Variants in SACS observed in about 807,000 individuals in gnomAD.
SACS encodes the protein sacsin.
SACS carries 197 observed loss-of-function variants against 348.0 expected under a neutral mutation model. The ratio of observed to expected loss-of-function variants is 0.57; its 90% confidence interval spans 0.50 to 0.64. The LOEUF is 0.64. Among genes scored for constraint, SACS ranks in the 30% least tolerant of loss-of-function variants. SACS has a pLI of 0.00. For synonymous variants in SACS, 1,985 were observed against 1,910.6 expected (o/e 1.04, Z -1.02); for missense variants, 4,999 against 5,360.8 (o/e 0.93, Z 2.11).
intron 7 of SACS, among the ~76,000 whole-genome samples, chr13:23,356,900 A>G (rs1223594142): frequency 6.6e-6 from 1 of 152,222 alleles, no homozygotes; most frequent in Non-Finnish European, 1.5e-5. Context: ...ATTTTAAGTT[A>G]GCAAATGTTA....
At chr13:23,427,033 C>CG (rs914651190) in intron 1 of SACS, 5 of 152,284 alleles carry the variant, frequency 3.3e-5, no homozygotes, top group African/African-American at 9.6e-5. Context: ...GAACATTCTT[C>CG]GGTCTTCTCC....
chr13:23,339,001 A>G lies in SACS; in HGVS notation c.4875T>C (p.Phe1625=), dbSNP rs753112256. 1 of 1,613,896 alleles carries G rather than the reference A, an allele frequency of 6.2e-7. No individual in the cohort carries two copies. Among genetic ancestry groups the G allele is most frequent in the East Asian group, 2.2e-5 (1 of 44,868 alleles). ...PNQFKPFIDV[F]GCQLPLTVEA... ...CTACAGTCAAAGGTAACTGACAGCC[A>G]AATACATCTATAAATGGTTTGAACT... is the stretch of plus-strand genomic sequence containing the variant. The change falls in exon 10 of 10, where the codon TTT becomes TTC. Residue 1625 remains phenylalanine, a synonymous_variant. Transcript: ENST00000382292.
At position 23,331,679 on chromosome 13, in the gene SACS, G is replaced by C; in HGVS notation, c.12197C>G (p.Pro4066Arg). Residue 4066 changes from proline (P) to arginine (R), a missense_variant, in exon 10 of 10, where the codon CCC becomes CGC. Around this residue, in one of 6 missense-constraint regions of SACS, gnomAD observed 831 missense variants for 941.8 expected, o/e 0.88. Transcript: ENST00000382292. The stretch of plus-strand genomic sequence containing the variant: ...AGCAAAAGTTTCACTTCTGCTGTGG[G>C]GAATAGGATTAAAACCTTTAACTCT... ...TLRVKGFNPI[P>R]HSRSETFAFL... The C allele has an allele frequency of 1.2e-6, 2 of 1,613,868 alleles. No homozygotes were observed.
intron 2 of SACS, among the ~76,000 whole-genome samples, chr13:23,382,479 ATGCATTG>A (rs1872098141): frequency 1.3e-5 from 2 of 152,208 alleles, no homozygotes; most frequent in Admixed American, 6.5e-5. Context: ...CTTGATAGAG[ATGCATTG>A]GATATATTAA....
chr13:23,340,166 G>A lies in SACS; in HGVS notation c.3710C>T (p.Ser1237Leu). 1 of 1,613,122 alleles carries A rather than the reference G, an allele frequency of 6.2e-7. No individual in the cohort carries two copies. ...HFKIVVDWYS[S>L]KTFSDEDYYQ... The stretch of plus-strand genomic sequence containing the variant: ...GTAGTCTTCATCACTAAAGGTTTTT[G>A]AAGAATACCAATCAACAACAATTTT... The change falls in exon 10 of 10, where the codon TCA (serine) becomes TTA (leucine). Residue 1237 changes from serine to leucine, a missense_variant. This residue lies in a region of SACS where 3,156 missense variants were observed against 3,380.1 expected (regional missense o/e 0.93). Transcript: ENST00000382292.
intron 5 of SACS, among the ~76,000 whole-genome samples, chr13:23,365,677 C>T (rs1871021678): frequency 6.6e-6 from 1 of 152,070 alleles, no homozygotes; most frequent in Non-Finnish European, 1.5e-5. Context: ...AAAAATAGAC[C>T]TTTTTTATCC....
chr13:23,385,372 T>G (rs1237334353), intron 2 of SACS, among the ~76,000 whole-genome samples: 6 of 151,878 alleles, frequency 4.0e-5, no homozygotes, highest in Non-Finnish European at 8.8e-5. Context: ...TTTTTTTTTT[T>G]TTTTGAGATA....
At chr13:23,390,367 T>C (rs1704848596) in intron 2 of SACS, among the ~76,000 whole-genome samples, 1 of 152,184 alleles carries the variant, frequency 6.6e-6, no homozygotes, top group Non-Finnish European at 1.5e-5. Context: ...AATGAGATCA[T>C]TTAAAATCCT....
At chr13:23,397,750 A>C (rs1872762865) in intron 2 of SACS, among the ~76,000 whole-genome samples, 1 of 152,236 alleles carries the variant, frequency 6.6e-6, no homozygotes, top group South Asian at 2.1e-4. Flanking sequence ...CAAACTCTGT[A>C]AAATATTTGA....
At position 23,332,799 on chromosome 13, in the gene SACS, G is replaced by C; in HGVS notation, c.11077C>G (p.Gln3693Glu). ...NGAQVNPKFKQCDVLQLLWTS... is the reference protein window; with the variant it reads ...NGAQVNPKFKECDVLQLLWTS... Reference sequence around the variant, plus strand: ...CATAACAGCTGGAGTACATCACATTGCTTGAATTTTGGATTTACCTGTGCT... The same window carrying C: ...CATAACAGCTGGAGTACATCACATTCCTTGAATTTTGGATTTACCTGTGCT... The change falls in exon 10 of 10, where the codon CAA becomes GAA. Residue 3693 changes from glutamine (Q) to glutamate (E), a missense_variant. This residue lies in a region of SACS where 831 missense variants were observed against 941.8 expected (regional missense o/e 0.88). Transcript: ENST00000382292. 6.2e-7 allele frequency: 1 copy of C among 1,613,860 alleles called. No individual in the cohort carries two copies. Among genetic ancestry groups the C allele is most frequent in the African/African-American group, 1.3e-5 (1 of 75,034 alleles).
chr13:23,387,323 A>T (rs778804990), intron 2 of SACS, among the ~76,000 whole-genome samples: 2 of 152,122 alleles, frequency 1.3e-5, no homozygotes, highest in Non-Finnish European at 2.9e-5. Context: ...TTAGCCGGGC[A>T]TGGCGGCGGG....
chr13:23,360,194 A>G (rs1157035255), intron 6 of SACS, among the ~76,000 whole-genome samples: 2 of 152,210 alleles, frequency 1.3e-5, no homozygotes, highest in African/African-American at 2.4e-5. Context: ...CCCTAAAAAC[A>G]TCAGCTATCA....
intron 2 of SACS, among the ~76,000 whole-genome samples, chr13:23,389,906 G>A (rs1872462362): frequency 6.6e-6 from 1 of 152,094 alleles, no homozygotes; most frequent in Non-Finnish European, 1.5e-5. Context: ...CAAGTTATTT[G>A]GCTGCATCTA....
intron 1 of SACS, among the ~76,000 whole-genome samples, chr13:23,421,411 G>A (rs1206655465): frequency 6.6e-6 from 1 of 152,034 alleles, no homozygotes; most frequent in Non-Finnish European, 1.5e-5. Flanking sequence ...TTCAGCTGGG[G>A]ACTGGGTATC....
At chr13:23,384,904 A>G (rs1872211094) in intron 2 of SACS, among the ~76,000 whole-genome samples, 1 of 152,222 alleles carries the variant, frequency 6.6e-6, no homozygotes, top group East Asian at 1.9e-4. Flanking sequence ...CGGTGCAGAT[A>G]AAAGTTATGT....
Position 23,335,360 on chromosome 13 carries a change from G to C in SACS, c.8516C>G (p.Ala2839Gly). 1 of 1,613,882 alleles carries C rather than the reference G, an allele frequency of 6.2e-7. No individual in the cohort carries two copies. Among genetic ancestry groups the C allele is most frequent in the Non-Finnish European group, 8.5e-7 (1 of 1,179,858 alleles). ...MEKVSKSVIS[A>G]HKNQDITLFP... ...AAGAGTAATATCTTGGTTCTTGTGA[G>C]CTGATATGACACTTTTAGATACTTT... Residue 2839 changes from alanine (A) to glycine (G), a missense_variant, in exon 10 of 10, where the codon GCT (alanine) becomes GGT (glycine). Physicochemically the swap from Ala to Gly is moderately conservative, Grantham distance 60. This residue lies in a region of SACS where 3,156 missense variants were observed against 3,380.1 expected (regional missense o/e 0.93). Coordinates refer to ENST00000382292, the MANE Select transcript of SACS (RefSeq NM_014363.6). The surrounding 1 kb of genome is among the most constrained non-coding windows in gnomAD (Gnocchi z 4.7).
rs369755884 is a variant in SACS at position 23,337,487 on chromosome 13, C to G, written c.6389G>C (p.Arg2130Thr). The G allele has an allele frequency of 8.1e-6, 13 of 1,613,630 alleles. No homozygotes were observed. The African/African-American group carries it at 9.4e-5, about 12-fold the overall frequency. The change falls in exon 10 of 10, where the codon AGA becomes ACA. Residue 2130 changes from arginine (R) to threonine (T), a missense_variant. Transcript: ENST00000382292. Reference sequence around the variant, plus strand: ...ATCCTGAGTAGAACCATAAGGGAATCTCCCATCTTTAATATCAAATAACTT... The same window carrying G: ...ATCCTGAGTAGAACCATAAGGGAATGTCCCATCTTTAATATCAAATAACTT... ...VAKLFDIKDG[R>T]FPYGSTQDYL...
At chr13:23,416,780 C>T (rs1873708814) in intron 1 of SACS, among the ~76,000 whole-genome samples, 1 of 150,860 alleles carries the variant, frequency 6.6e-6, no homozygotes, top group Admixed American at 6.6e-5. Context: ...TAGAAGGGAA[C>T]TTTTTTAAAG....
intron 2 of SACS, among the ~76,000 whole-genome samples, chr13:23,400,700 G>C (rs538478468): frequency 1.3e-5 from 2 of 152,198 alleles, no homozygotes; most frequent in Admixed American, 6.5e-5. Flanking sequence ...GATTACAGGC[G>C]TGAGCCACCG....
Sources: gnomAD v4.1 joint callset for allele counts (sites outside exome capture counted in the v4.1 genomes callset) on GRCh38, gnomAD v4.1.1 for gene constraint, gnomAD v4.1.1 regional missense constraint, Gnocchi (gnomAD v3.1) non-coding constraint, MANE v1.5 for transcripts, NCBI Gene and HGNC (gene_info 2026-07-23, HGNC 2026-07-21) for gene names.